Variants in KCTD8 observed in about 807,000 individuals in gnomAD.
KCTD8 encodes the protein BTB/POZ domain-containing protein KCTD8.
In KCTD8, 27 loss-of-function variants were observed where a neutral mutation model predicts 31.5. That is an observed-to-expected ratio of 0.86 (90% CI 0.63 to 1.18). KCTD8 has a LOEUF of 1.18. KCTD8 is among the 50% of genes most tolerant of loss of function. The pLI is 0.00. For synonymous variants in KCTD8, 290 were observed against 280.0 expected (o/e 1.04, Z -0.36); for missense variants, 658 against 647.7 (o/e 1.02, Z -0.17).
intron 1 of KCTD8, among the ~76,000 whole-genome samples, chr4:44,180,333 T>TA (rs201146967): frequency 1.9e-4 from 28 of 149,492 alleles, no homozygotes; most frequent in African/African-American, 3.3e-4. Flanking sequence ...GATTTATCTG[T>TA]AAAAAAAAAG....
chr4:44,379,205 T>A (rs1462451324), intron 1 of KCTD8, among the ~76,000 whole-genome samples: 1 of 152,110 alleles, frequency 6.6e-6, no homozygotes, highest in Non-Finnish European at 1.5e-5. Context: ...CATGGACATC[T>A]TTGGGGGGTT....
At chr4:44,184,724 T>C (rs1713529298) in intron 1 of KCTD8, among the ~76,000 whole-genome samples, 1 of 152,240 alleles carries the variant, frequency 6.6e-6, no homozygotes, top group African/African-American at 2.4e-5. Flanking sequence ...TATTTAATAC[T>C]AATTACATCA....
At chr4:44,421,442 C>A (rs1404634576) in intron 1 of KCTD8, among the ~76,000 whole-genome samples, 3 of 152,046 alleles carry the variant, frequency 2.0e-5, no homozygotes, top group Non-Finnish European at 4.4e-5. Flanking sequence ...GGTATACCAA[C>A]AGAGATTCTG....
At chr4:44,198,009 T>C (rs937537689) in intron 1 of KCTD8, among the ~76,000 whole-genome samples, 1 of 151,986 alleles carries the variant, frequency 6.6e-6, no homozygotes, top group Non-Finnish European at 1.5e-5. Context: ...CATAATACAG[T>C]CAGAAGCATT....
intron 1 of KCTD8, among the ~76,000 whole-genome samples, chr4:44,323,537 G>C (rs1210897367): frequency 6.2e-5 from 6 of 97,332 alleles, no homozygotes; most frequent in Non-Finnish European, 1.1e-4. Flanking sequence ...AAAAAAAATA[G>C]TGTTCAGGGT....
chr4:44,430,927 CT>C (rs1721487813), intron 1 of KCTD8, among the ~76,000 whole-genome samples: 1 of 149,376 alleles, frequency 6.7e-6, no homozygotes, highest in Non-Finnish European at 1.5e-5. Flanking sequence ...TTTTTTTTTT[CT>C]TGTCATCCAT....
Position 44,382,737 on chromosome 4 carries a change from A to AAT in KCTD8, c.961+64825_961+64826insAT, listed in dbSNP as rs138395989. On this transcript the variant is annotated intron_variant, in intron 1 of 1. Transcript: ENST00000360029. ...AGGAGTGAAACTCCATTTCAAAAAA[A>AAT]AAAAAAGAATTCAAACAAGACAAGA... Among the ~76,000 whole-genome samples, 574 of 151,896 alleles carry AAT rather than the reference A, an allele frequency of 3.8e-3. 2 individuals carry two copies. Among genetic ancestry groups the AAT allele is most frequent in the African/African-American group, 0.013 (546 of 41,468 alleles).
At chr4:44,185,123 T>G (rs917705436) in intron 1 of KCTD8, among the ~76,000 whole-genome samples, 1 of 152,250 alleles carries the variant, frequency 6.6e-6, no homozygotes, top group Non-Finnish European at 1.5e-5. Context: ...TGCCTTTCTC[T>G]CATTCTACAA....
chr4:44,394,426 G>GA (rs541142352), intron 1 of KCTD8, among the ~76,000 whole-genome samples: 23 of 149,516 alleles, frequency 1.5e-4, no homozygotes, highest in Admixed American at 2.7e-4. Flanking sequence ...CAGAAAGAAA[G>GA]AAAAAAAAAT....
intron 1 of KCTD8, among the ~76,000 whole-genome samples, chr4:44,382,363 G>A (rs546118429): frequency 2.6e-5 from 4 of 151,990 alleles, no homozygotes; most frequent in Non-Finnish European, 5.9e-5. Context: ...ATACAATAAA[G>A]GCCATATATG....
intron 1 of KCTD8, among the ~76,000 whole-genome samples, chr4:44,287,422 CTT>C (rs1419971886): frequency 2.0e-5 from 3 of 152,042 alleles, no homozygotes; most frequent in Non-Finnish European, 4.4e-5. Flanking sequence ...TGTTTACAAA[CTT>C]AAAGTAATAG....
rs1170547798 is a variant in KCTD8 at position 44,448,723 on chromosome 4, G to T, written c.-200C>A. ...CCGAGCTCCATCGGAGGAGAGACGC[G>T]CGAGAGAGGAGCTCCGCCGGTGCGG... is the stretch of plus-strand genomic sequence containing the variant. On this transcript the variant is annotated 5_prime_UTR_variant, in exon 1 of 2. Transcript: ENST00000360029. This position sits in a 1 kb window ranked among gnomAD's most constrained non-coding sequence, Gnocchi z 4.1. 3 of 428,060 alleles carry T rather than the reference G, an allele frequency of 7.0e-6. No individual in the cohort carries two copies. The highest frequency in any genetic ancestry group is 1.2e-5 in the Non-Finnish European group (3 of 256,218). 26.5% of individuals were successfully genotyped at this position (428,060 alleles called of 1,614,324 possible).
At chr4:44,429,836 G>C (rs971176939) in intron 1 of KCTD8, among the ~76,000 whole-genome samples, 6 of 151,678 alleles carry the variant, frequency 4.0e-5, no homozygotes, top group African/African-American at 1.5e-4. Flanking sequence ...AGAAGGGATA[G>C]TTCCTCTACT....
chr4:44,301,070 T>C (rs913356326), intron 1 of KCTD8, among the ~76,000 whole-genome samples: 1 of 151,978 alleles, frequency 6.6e-6, no homozygotes, highest in South Asian at 2.1e-4. Context: ...GGCTGCATAG[T>C]ATTCCATGGT....
intron 1 of KCTD8, among the ~76,000 whole-genome samples, chr4:44,357,638 A>AT (rs1419510049): frequency 6.6e-6 from 1 of 152,180 alleles, no homozygotes; most frequent in Non-Finnish European, 1.5e-5. Flanking sequence ...TAAAGGAATC[A>AT]TTAGAATTAG....
chr4:44,289,309 G>T (rs1717199776), intron 1 of KCTD8, among the ~76,000 whole-genome samples: 2 of 151,422 alleles, frequency 1.3e-5, no homozygotes, highest in African/African-American at 2.4e-5. Flanking sequence ...TATATTCAAA[G>T]AAACAAAAGT....
At chr4:44,382,168 C>T (rs1262342059) in intron 1 of KCTD8, among the ~76,000 whole-genome samples, 1 of 152,014 alleles carries the variant, frequency 6.6e-6, no homozygotes, top group African/African-American at 2.4e-5. Flanking sequence ...CCACATTGGA[C>T]AGATTACCTA....
intron 1 of KCTD8, among the ~76,000 whole-genome samples, chr4:44,205,763 T>C (rs996053886): frequency 6.6e-6 from 1 of 152,186 alleles, no homozygotes; most frequent in African/African-American, 2.4e-5. Flanking sequence ...ATGTCACATG[T>C]TTTTGTGATA....
intron 1 of KCTD8, among the ~76,000 whole-genome samples, chr4:44,185,540 G>GCCCA (rs1366662936): frequency 2.6e-5 from 4 of 152,082 alleles, no homozygotes; most frequent in Non-Finnish European, 5.9e-5. Context: ...AATAACCCCA[G>GCCCA]CCCATATTTT....
Sources: allele counts gnomAD v4.1 joint callset (sites outside exome capture counted in the v4.1 genomes callset), GRCh38; gene constraint gnomAD v4.1.1; non-coding constraint Gnocchi (gnomAD v3.1); transcripts MANE v1.5; gene names NCBI Gene and HGNC (gene_info 2026-07-23, HGNC 2026-07-21).